Variants in C1QL1 observed in about 807,000 individuals in gnomAD.
C1QL1 encodes C1q-related factor.
In C1QL1, 15 loss-of-function variants were observed where a neutral mutation model predicts 14.2. That is an observed-to-expected ratio of 1.06 (90% CI 0.71 to 1.62). The LOEUF (loss-of-function observed/expected upper bound fraction) is 1.62, where lower values mean the gene tolerates loss of function less well. C1QL1 is among the 40% of genes most tolerant of loss of function. The pLI is 0.00. For missense variants in C1QL1, 346 were observed against 380.3 expected (o/e 0.91, Z 0.75); for synonymous variants, 172 against 172.4 (o/e 1.00, Z 0.02).
intron 1 of C1QL1, among the ~76,000 whole-genome samples, chr17:44,964,053 CA>C (rs1443861677): frequency 6.6e-6 from 1 of 152,164 alleles, no homozygotes; most frequent in East Asian, 1.9e-4. Flanking sequence ...TTGGTGCCAT[CA>C]GGGGTGCTGA....
At chr17:44,966,678 AGAG>A (rs1383477738) in intron 1 of C1QL1, among the ~76,000 whole-genome samples, 1 of 152,046 alleles carries the variant, frequency 6.6e-6, no homozygotes, top group Non-Finnish European at 1.5e-5. Context: ...CGGAGAATGG[AGAG>A]GACCCCACAC....
rs545570996 is a variant in C1QL1 at position 44,965,168 on chromosome 17, A to T, written c.597+2284T>A. Among the ~76,000 whole-genome samples, 9 of 152,236 alleles carry T rather than the reference A, an allele frequency of 5.9e-5. No individual in the cohort carries two copies. In the South Asian group the frequency reaches 1.9e-3, roughly 32 times the overall value. ...GCTGGGACTACAGGTGCCTGCCACC[A>T]CGCCCAGCTAATTTTTTGTATTTTT... is the stretch of plus-strand genomic sequence containing the variant. On this transcript the variant is annotated intron_variant, in intron 1 of 1. Transcript: ENST00000253407.
rs1166486750 is a variant in C1QL1 at position 44,967,039 on chromosome 17, G to T, written c.597+413C>A. 2.0e-5 allele frequency among the ~76,000 whole-genome samples: 3 copies of T among 152,192 alleles called. No homozygotes were observed. Among genetic ancestry groups the T allele is most frequent in the Non-Finnish European group, 4.4e-5 (3 of 68,040 alleles). On this transcript the variant is annotated intron_variant, in intron 1 of 1. Transcript: ENST00000253407. The surrounding 1 kb of genome is among the most constrained non-coding windows in gnomAD (Gnocchi z 7.0). ...TGGCCACGCGCCTAGGCGCCCGCGGGCGCGGATGCTGCTTCTCCCTGTTCC... is the reference window on the plus strand; with the variant it reads ...TGGCCACGCGCCTAGGCGCCCGCGGTCGCGGATGCTGCTTCTCCCTGTTCC...
chr17:44,964,078 C>T (rs1020171999), intron 1 of C1QL1, among the ~76,000 whole-genome samples: 1 of 152,164 alleles, frequency 6.6e-6, no homozygotes, highest in Non-Finnish European at 1.5e-5. Context: ...AAGGCTACCC[C>T]TAAGGACTGG....
In C1QL1 at chr17:44,967,885, T is replaced by G. The variant is rs1325627475; in HGVS notation, c.164A>C (p.Gln55Pro). ...RTDGGDALSE[Q>P]SGAPPPSTLV... ...CGTGGAAGGCGGGGGCGCGCCGCTCTGCTCGCTCAGGGCGTCGCCGCCGTC... is the reference window on the plus strand; with the variant it reads ...CGTGGAAGGCGGGGGCGCGCCGCTCGGCTCGCTCAGGGCGTCGCCGCCGTC... The change falls in exon 1 of 2, where the codon CAG becomes CCG. Residue 55 changes from glutamine to proline, a missense_variant. Gln to Pro is a moderately conservative substitution (Grantham distance 76). Coordinates refer to ENST00000253407, the MANE Select transcript of C1QL1 (RefSeq NM_006688.5). The surrounding 1 kb of genome is among the most constrained non-coding windows in gnomAD (Gnocchi z 7.0). 1.0e-5 allele frequency: 13 copies of G among 1,273,514 alleles called. No homozygotes were observed. Among genetic ancestry groups the G allele is most frequent in the Middle Eastern group, 2.8e-4 (1 of 3,552 alleles). 78.9% of individuals were successfully genotyped at this position (1,273,514 alleles called of 1,614,324 possible).
rs567370105 is a variant in C1QL1, at chr17:44,964,706, A to T, written c.597+2746T>A. ...TGGCTCCTAGTAGGGGCTCAAAACT[A>T]ACAAGTGGGATGGCTAGTGAGATCA... On this transcript the variant is annotated intron_variant, in intron 1 of 1. Transcript: ENST00000253407. Among the ~76,000 whole-genome samples the T allele has an allele frequency of 7.2e-5, 11 of 152,344 alleles. No homozygotes were observed. The South Asian group carries it at 2.3e-3, about 32-fold the overall frequency.
At position 44,967,454 on chromosome 17, in the gene C1QL1, G is replaced by A. The variant is rs1011381665; in HGVS notation, c.595C>T (p.Gln199Ter). The change falls in exon 1 of 2, where the codon CAG (glutamine) becomes TAG (stop). Residue 199 changes from glutamine (Q) to a stop codon, truncating the protein, a stop_gained and splice_region_variant. Coordinates refer to ENST00000253407, the MANE Select transcript of C1QL1 (RefSeq NM_006688.5). LOFTEE classifies it high-confidence loss of function. This position sits in a 1 kb window ranked among gnomAD's most constrained non-coding sequence, Gnocchi z 7.0. ...CCCCATGCCCCCGCCTGGCCCACCT[G>A]GCCATTCTTGCAGAGGTCTGCCCAC... ...SMWADLCKNGQVRASAIAQDA... is the reference protein window; with the variant it reads ...SMWADLCKNG The A allele has an allele frequency of 6.2e-7, 1 of 1,613,226 alleles. No homozygotes were observed. The highest frequency in any genetic ancestry group is 8.5e-7 in the Non-Finnish European group (1 of 1,179,742).
At chr17:44,966,154 G>A (rs2052656355) in intron 1 of C1QL1, among the ~76,000 whole-genome samples, 1 of 152,214 alleles carries the variant, frequency 6.6e-6, no homozygotes, top group Admixed American at 6.5e-5. Flanking sequence ...GAAAGAGGCA[G>A]GGGAGAGGCA....
rs757416467 is a variant in C1QL1, at chr17:44,960,155, T to A, written c.*33A>T. On this transcript the variant is annotated 3_prime_UTR_variant, in exon 2 of 2. Transcript: ENST00000253407. ...CCCGCCCGGAGGGGACCCCGGCGGG[T>A]GAGGGACGTGGGTGGAGGGAGACGT... 6.3e-7 allele frequency: 1 copy of A among 1,587,372 alleles called. No individual in the cohort carries two copies. The highest frequency in any genetic ancestry group is 1.3e-5 in the African/African-American group (1 of 74,136).
intron 1 of C1QL1, among the ~76,000 whole-genome samples, chr17:44,961,326 C>T (rs1318454597): frequency 6.6e-6 from 1 of 152,140 alleles, no homozygotes; most frequent in East Asian, 1.9e-4. Flanking sequence ...CATACGGTGG[C>T]TCATGCCTGT....
In C1QL1 at chr17:44,967,491, G is replaced by A. The variant is rs190966722; in HGVS notation, c.558C>T (p.Asp186=). Residue 186 remains aspartate (D), a synonymous_variant, in exon 1 of 2, where the codon GAC becomes GAT. Coordinates refer to ENST00000253407, the MANE Select transcript of C1QL1 (RefSeq NM_006688.5). The surrounding 1 kb of genome is among the most constrained non-coding windows in gnomAD (Gnocchi z 7.0). Reference sequence around the variant, plus strand: ...AGAGGTCTGCCCACATACTGGTGCCGTCGCCGCCGCGCATGAGGACATGGT... The same window carrying A: ...AGAGGTCTGCCCACATACTGGTGCCATCGCCGCCGCGCATGAGGACATGGT... ...FTYHVLMRGG[D]GTSMWADLCK... The A allele has an allele frequency of 1.5e-4, 237 of 1,613,968 alleles. No homozygotes were observed. The Admixed American group carries it at 2.5e-3, about 17-fold the overall frequency.
At chr17:44,961,683 G>A (rs1257900014) in intron 1 of C1QL1, among the ~76,000 whole-genome samples, 1 of 150,652 alleles carries the variant, frequency 6.6e-6, no homozygotes, top group African/African-American at 2.4e-5. Context: ...TCAGGAGATC[G>A]AGACCATCCT....
At position 44,967,775 on chromosome 17, in the gene C1QL1, G is replaced by T. The variant is rs2052665741; in HGVS notation, c.274C>A (p.Pro92Thr). 6.6e-7 allele frequency: 1 copy of T among 1,525,118 alleles called. No individual in the cohort carries two copies. The highest frequency in any genetic ancestry group is 8.7e-7 in the Non-Finnish European group (1 of 1,144,408). The allele number at this position is 1,525,118 out of a possible 1,614,324, so 94.5% of individuals were successfully genotyped here. The change falls in exon 1 of 2, where the codon CCT becomes ACT. Residue 92 changes from proline (P) to threonine (T), a missense_variant. Pro to Thr is a conservative substitution (Grantham distance 38, BLOSUM62 -1). Transcript: ENST00000253407. The surrounding 1 kb of genome is among the most constrained non-coding windows in gnomAD (Gnocchi z 7.0). ...CCCTTCTCCCCCGGCGGCCCCACAG[G>T]GCCGGGAGGACCTGGGTCCCCGGGA... ...GPPGDPGPPG[P>T]VGPPGEKGEP...
chr17:44,965,985 G>C (rs3024275), intron 1 of C1QL1, among the ~76,000 whole-genome samples: 21,736 of 152,214 alleles, frequency 0.14, 1,655 homozygotes, highest in East Asian at 0.25. Context: ...GGACAAAGAG[G>C]AGAGACACGG....
rs1374624205 is a variant in C1QL1 at position 44,959,982 on chromosome 17, G to C, written c.*206C>G. 4 of 567,736 alleles carry C rather than the reference G, an allele frequency of 7.0e-6. No individual in the cohort carries two copies. Among genetic ancestry groups the C allele is most frequent in the Admixed American group, 3.3e-5 (1 of 30,110 alleles). 35.2% of individuals were successfully genotyped at this position (567,736 alleles called of 1,614,324 possible). A position where few individuals can be genotyped will look rare whatever the true frequency, so the allele number is the denominator to read the frequency against. On this transcript the variant is annotated 3_prime_UTR_variant, in exon 2 of 2. Transcript: ENST00000253407. Reference sequence around the variant, plus strand: ...GCGGTCAACCCCGGTTCCCTGGCACGGGGACAGGGCGCGCTGGGCCCGGCT... The same window carrying C: ...GCGGTCAACCCCGGTTCCCTGGCACCGGGACAGGGCGCGCTGGGCCCGGCT...
At position 44,968,139 on chromosome 17, in the gene C1QL1, G is replaced by A; in HGVS notation, c.-91C>T. The A allele has an allele frequency of 1.2e-6, 1 of 803,712 alleles. No individual in the cohort carries two copies. The highest frequency in any genetic ancestry group is 1.6e-6 in the Non-Finnish European group (1 of 624,438). 49.8% of individuals were successfully genotyped at this position (803,712 alleles called of 1,614,324 possible). A position where few individuals can be genotyped will look rare whatever the true frequency, so the allele number is the denominator to read the frequency against. On this transcript the variant is annotated 5_prime_UTR_variant, in exon 1 of 2. Coordinates refer to ENST00000253407, the MANE Select transcript of C1QL1 (RefSeq NM_006688.5). ...CGCCCGGCCGCGCCGTCGGGGCAAT[G>A]GTGCCGGCGGGCAGGGGGCGCGGGC...
intron 1 of C1QL1, among the ~76,000 whole-genome samples, chr17:44,963,258 TA>T (rs1305182924): frequency 1.3e-5 from 2 of 151,936 alleles, no homozygotes; most frequent in Admixed American, 6.6e-5. Flanking sequence ...GTGGCTCCCA[TA>T]GGGGAGCCAG....
In C1QL1 at chr17:44,967,424, C is replaced by T; in HGVS notation, c.597+28G>A. 1.2e-6 allele frequency: 2 copies of T among 1,606,588 alleles called. No individual in the cohort carries two copies. The highest frequency in any genetic ancestry group is 1.7e-6 in the Non-Finnish European group (2 of 1,176,378). On this transcript the variant is annotated intron_variant, in intron 1 of 1. Coordinates refer to ENST00000253407, the MANE Select transcript of C1QL1 (RefSeq NM_006688.5). This position sits in a 1 kb window ranked among gnomAD's most constrained non-coding sequence, Gnocchi z 7.0. ...GGCTCCCTGGGTGCCCTGGGCCCAGCCCAGCCCCATGCCCCCGCCTGGCCC... is the reference window on the plus strand; with the variant it reads ...GGCTCCCTGGGTGCCCTGGGCCCAGTCCAGCCCCATGCCCCCGCCTGGCCC...
Position 44,967,708 on chromosome 17 carries a change from C to T in C1QL1, c.341G>A (p.Gly114Glu). Residue 114 changes from glycine to glutamate, a missense_variant, in exon 1 of 2, where the codon GGG becomes GAG. By Grantham distance (98) the Gly-to-Glu change is moderately conservative. Transcript: ENST00000253407. The surrounding 1 kb of genome is among the most constrained non-coding windows in gnomAD (Gnocchi z 7.0). ...KPGPPGLPGA[G>E]GSGAISTATY... ...GGCAGTGCTGATGGCGCCGCTGCCC[C>T]CCGCGCCCGGCAGCCCCGGAGGGCC... is the stretch of plus-strand genomic sequence containing the variant. The T allele has an allele frequency of 6.2e-7, 1 of 1,610,478 alleles. No homozygotes were observed. The highest frequency in any genetic ancestry group is 1.1e-5 in the South Asian group (1 of 90,980).
Sources: gnomAD v4.1 joint callset for allele counts (sites outside exome capture counted in the v4.1 genomes callset) on GRCh38, gnomAD v4.1.1 for gene constraint, Gnocchi (gnomAD v3.1) non-coding constraint, MANE v1.5 for transcripts, NCBI Gene and HGNC (gene_info 2026-07-23, HGNC 2026-07-21) for gene names.